SMU1: variants seen among roughly 807,000 people sequenced by gnomAD.
SMU1 encodes the protein SMU1 DNA replication regulator and spliceosomal factor.
SMU1 carries 2 observed loss-of-function variants against 62.0 expected under a neutral mutation model. The ratio of observed to expected loss-of-function variants is 0.03; its 90% CI spans 0.01 to 0.10. The LOEUF (loss-of-function observed/expected upper bound fraction) is 0.10. Ranked by LOEUF, SMU1 falls within the 10% of genes least tolerant of loss-of-function variation. SMU1 has a pLI of 1.00. For synonymous variants in SMU1, 188 were observed against 212.4 expected, an observed-to-expected ratio of 0.89 and a Z score of 1.00; for missense variants, 227 against 622.1, an observed-to-expected ratio of 0.36 and a Z score of 6.76.
At chr9:33,071,305 T>A (rs542957037) in intron 3 of SMU1, among the ~76,000 whole-genome samples, 1 of 152,274 alleles carries the variant, frequency 6.6e-6, no homozygotes, top group Admixed American at 6.5e-5. Flanking sequence ...AAGACTATCA[T>A]CATGCTCTAC....
chr9:33,052,027 A>C (rs1295786912), intron 10 of SMU1, among the ~76,000 whole-genome samples: 15 of 152,130 alleles, frequency 9.9e-5, no homozygotes, highest in South Asian at 4.1e-4. Context: ...CAAAAAAAAA[A>C]AAAAAACAGT....
At chr9:33,059,544 C>T (rs1218104187) in intron 6 of SMU1, among the ~76,000 whole-genome samples, 3 of 147,830 alleles carry the variant, frequency 2.0e-5, no homozygotes, top group African/African-American at 7.4e-5. Context: ...GAGCCGAGAT[C>T]GTGCCCCTGC....
chr9:33,065,408 T>C (rs928065868), intron 4 of SMU1, among the ~76,000 whole-genome samples: 3 of 152,142 alleles, frequency 2.0e-5, no homozygotes, highest in Non-Finnish European at 2.9e-5. Flanking sequence ...TTATTTCCAC[T>C]GTCTCTAGAA....
chr9:33,050,591 G>A (rs1006017573), intron 10 of SMU1, among the ~76,000 whole-genome samples: 16 of 150,594 alleles, frequency 1.1e-4, no homozygotes, highest in Non-Finnish European at 2.4e-4. Flanking sequence ...ACTTTGGGAA[G>A]CTGAGGCGAG....
chr9:33,070,029 G>A (rs1219263467), intron 3 of SMU1, among the ~76,000 whole-genome samples: 1 of 152,072 alleles, frequency 6.6e-6, no homozygotes, highest in African/African-American at 2.4e-5. Context: ...GGTGGCTGAG[G>A]CACGAGAATT....
chr9:33,050,874 C>T lies in SMU1; in HGVS notation c.1290+2249G>A, dbSNP rs1002390707. ...CGGTGGCTCACGCCTGTAATCCCAGCACTTTGGGAGGCCGAGGCGGGCGGA... is the reference window on the plus strand; with the variant it reads ...CGGTGGCTCACGCCTGTAATCCCAGTACTTTGGGAGGCCGAGGCGGGCGGA... On this transcript the variant is annotated intron_variant, in intron 10 of 11. Coordinates refer to ENST00000397149, the MANE Select transcript of SMU1 (RefSeq NM_018225.3). Among the ~76,000 whole-genome samples the T allele has an allele frequency of 1.0e-4, 7 of 68,636 alleles. 3 individuals are homozygous for T. Among genetic ancestry groups the T allele is most frequent in the African/African-American group, 3.4e-4 (7 of 20,698 alleles). 45.0% of individuals were successfully genotyped at this position (68,636 alleles called of 152,430 possible).
At chr9:33,071,524 G>A (rs916311190) in intron 3 of SMU1, among the ~76,000 whole-genome samples, 7 of 152,106 alleles carry the variant, frequency 4.6e-5, no homozygotes, top group African/African-American at 1.7e-4. Flanking sequence ...AAACTGAGGT[G>A]TATAGAAGAC....
intron 4 of SMU1, among the ~76,000 whole-genome samples, chr9:33,063,099 C>A (rs551043784): frequency 2.6e-5 from 4 of 152,184 alleles, no homozygotes; most frequent in African/African-American, 9.7e-5. Flanking sequence ...TGGTGGCTCA[C>A]GCCTGTAATT....
At chr9:33,061,319 G>A (rs1234166933) in intron 5 of SMU1, among the ~76,000 whole-genome samples, 1 of 152,174 alleles carries the variant, frequency 6.6e-6, no homozygotes, top group Non-Finnish European at 1.5e-5. Context: ...TTTGTCTCAA[G>A]GTTTCAGGCA....
rs1375155621 is a variant in SMU1 at position 33,071,788 on chromosome 9, A to G, written c.342T>C (p.Tyr114=). Residue 114 remains tyrosine (Y), a synonymous_variant, in exon 3 of 12, where the codon TAT becomes TAC. Coordinates refer to ENST00000397149, the MANE Select transcript of SMU1 (RefSeq NM_018225.3). The stretch of plus-strand genomic sequence containing the variant: ...TGGCCAAAAGGTTCTCCAGATGAAT[A>G]TATCGCTCTGGCTGTGTTTGTTTTA... ...IMLKQTQPER[Y]IHLENLLARS... 2 of 1,612,448 alleles carry G rather than the reference A, an allele frequency of 1.2e-6. No individual in the cohort carries two copies. Among genetic ancestry groups the G allele is most frequent in the African/African-American group, 1.3e-5 (1 of 74,766 alleles).
In SMU1 at chr9:33,043,993, A is replaced by T. The variant is rs370736545; in HGVS notation, c.*3300T>A. The T allele has an allele frequency of 7.0e-3, 12 of 1,720 alleles. No individual in the cohort carries two copies. The highest frequency in any genetic ancestry group is 0.033 in the East Asian group (1 of 30). The allele number at this position is 1,720 out of a possible 1,614,324, so 0.1% of individuals were successfully genotyped here. Reference sequence around the variant, plus strand: ...CCTGAGATTTATACCATTTGCTGTTAAAAAAAAAAAAAAAAAAAAAGCCAT... The same window carrying T: ...CCTGAGATTTATACCATTTGCTGTTTAAAAAAAAAAAAAAAAAAAAGCCAT... On this transcript the variant is annotated 3_prime_UTR_variant, in exon 12 of 12. Transcript: ENST00000397149.
In SMU1 at chr9:33,050,937, C is replaced by T. The variant is rs867770211; in HGVS notation, c.1290+2186G>A. ...GAGATCGAGACCATCCTGGCTAACA[C>T]GGTGAAACCCCGTCTCTACTAAAAA... On this transcript the variant is annotated intron_variant, in intron 10 of 11. Coordinates refer to ENST00000397149, the MANE Select transcript of SMU1 (RefSeq NM_018225.3). Among the ~76,000 whole-genome samples, 6 of 87,948 alleles carry T rather than the reference C, an allele frequency of 6.8e-5. 2 individuals carry two copies. Among genetic ancestry groups the T allele is most frequent in the Middle Eastern group, 0.012 (2 of 172 alleles). The allele number at this position is 87,948 out of a possible 152,430, so 57.7% of individuals were successfully genotyped here. A position where few individuals can be genotyped will look rare whatever the true frequency, so the allele number is the denominator to read the frequency against.
intron 4 of SMU1, among the ~76,000 whole-genome samples, chr9:33,067,563 A>G (rs1839436732): frequency 6.7e-6 from 1 of 150,270 alleles, no homozygotes; most frequent in African/African-American, 2.5e-5. Context: ...CAATGGCTCA[A>G]TCTCGGCTCA....
At chr9:33,062,348 T>C (rs540532634) in intron 4 of SMU1, among the ~76,000 whole-genome samples, 171 bp from the exon 5 acceptor site, 17 of 152,174 alleles carry the variant, frequency 1.1e-4, no homozygotes, top group Non-Finnish European at 2.5e-4. Flanking sequence ...CCCCTGTGTG[T>C]CCAAGAACAC....
chr9:33,062,245 A>G, intron 4 of SMU1, 68 bp from the exon 5 acceptor site: 1 of 1,533,222 alleles, frequency 6.5e-7, no homozygotes, highest in Non-Finnish European at 8.7e-7. Flanking sequence ...AAGTGCTCAG[A>G]AACCAAGCCC....
At chr9:33,066,098 G>A (rs562021414) in intron 4 of SMU1, among the ~76,000 whole-genome samples, 35 of 152,212 alleles carry the variant, frequency 2.3e-4, no homozygotes, top group Admixed American at 2.1e-3. Context: ...ATCATCCCAG[G>A]CTGAAGTCTA....
chr9:33,051,932 G>A (rs963314198), intron 10 of SMU1, among the ~76,000 whole-genome samples: 38 of 150,886 alleles, frequency 2.5e-4, no homozygotes, highest in African/African-American at 8.0e-4. Context: ...CAGGAGAATC[G>A]CTTGAACCCG....
chr9:33,068,186 T>G (rs1449883945), intron 4 of SMU1, among the ~76,000 whole-genome samples: 1 of 152,206 alleles, frequency 6.6e-6, no homozygotes, highest in Non-Finnish European at 1.5e-5. Flanking sequence ...GGATTCTAAC[T>G]AGGATGGGCA....
intron 9 of SMU1, among the ~76,000 whole-genome samples, chr9:33,055,163 T>C (rs914869835): frequency 1.3e-5 from 2 of 151,624 alleles, no homozygotes; most frequent in Middle Eastern, 3.2e-3. Flanking sequence ...CATATATACA[T>C]ATATATATAT....
Sources: gnomAD v4.1 joint callset for allele counts (sites outside exome capture counted in the v4.1 genomes callset) on GRCh38, gnomAD v4.1.1 for gene constraint, MANE v1.5 for transcripts, NCBI Gene and HGNC (gene_info 2026-07-23, HGNC 2026-07-21) for gene names.